Variants in CAMSAP1 observed in about 807,000 individuals in gnomAD.
The protein encoded by CAMSAP1 is calmodulin-regulated spectrin-associated protein 1.
A neutral mutation model predicts 143.5 loss-of-function variants in CAMSAP1; 58 were observed. The ratio of observed to expected loss-of-function variants is 0.40; its 90% CI spans 0.33 to 0.50. The LOEUF is 0.50. Among genes scored for constraint, CAMSAP1 ranks in the 20% least tolerant of loss-of-function variants. CAMSAP1 has a pLI of 0.45. For synonymous variants in CAMSAP1, 945 were observed against 859.3 expected, an observed-to-expected ratio of 1.10 and a Z score of -1.74; for missense variants, 1,969 against 2,115.7, an observed-to-expected ratio of 0.93 and a Z score of 1.36.
Position 135,824,527 on chromosome 9 carries a change from T to C in CAMSAP1, c.1315+262A>G, listed in dbSNP as rs1473256151. On this transcript the variant is annotated intron_variant, in intron 9 of 16. Transcript: ENST00000389532. This position sits in a 1 kb window ranked among gnomAD's most constrained non-coding sequence, Gnocchi z 4.1. ...TAAAAATACAAAAATTAACTGAGCA[T>C]GGTGGCATGCGCCTATAATCCCAGC... Among the ~76,000 whole-genome samples, 1 of 152,026 alleles carries C rather than the reference T, an allele frequency of 6.6e-6. No homozygotes were observed. The highest frequency in any genetic ancestry group is 1.5e-5 in the Non-Finnish European group (1 of 68,002).
At position 135,811,292 on chromosome 9, in the gene CAMSAP1, C is replaced by T. The variant is rs199531330; in HGVS notation, c.*17G>A. ...TTACGAGTCTGGGTCACCCTTTGGA[C>T]GCCAGCTGCACCGGGGTCATTTACG... On this transcript the variant is annotated 3_prime_UTR_variant, in exon 17 of 17. Transcript: ENST00000389532. The surrounding 1 kb of genome is among the most constrained non-coding windows in gnomAD (Gnocchi z 4.9). 2.8e-4 allele frequency: 451 copies of T among 1,607,262 alleles called. No individual in the cohort carries two copies. In the African/African-American group the frequency reaches 4.5e-3, roughly 16 times the overall value.
chr9:135,906,804 C>T (rs2131043978), intron 1 of CAMSAP1, among the ~76,000 whole-genome samples, 196 bp downstream of exon 1: 1 of 152,102 alleles, frequency 6.6e-6, no homozygotes, highest in East Asian at 1.9e-4. Flanking sequence ...CGCCCACTCG[C>T]CAGGTGACCG....
intron 16 of CAMSAP1, among the ~76,000 whole-genome samples, chr9:135,814,173 G>C (rs551157964): frequency 6.6e-6 from 1 of 152,180 alleles, no homozygotes; most frequent in Non-Finnish European, 1.5e-5. Flanking sequence ...CCAGTGCCAC[G>C]AGACCTGCCT....
At position 135,810,998 on chromosome 9, in the gene CAMSAP1, C is replaced by T; in HGVS notation, c.*311G>A. On this transcript the variant is annotated 3_prime_UTR_variant, in exon 17 of 17. Coordinates refer to ENST00000389532, the MANE Select transcript of CAMSAP1 (RefSeq NM_015447.4). Reference sequence around the variant, plus strand: ...AGTAAGGGAGCTCCGTGGCCCGGGACCTGGCTGTGAACACCCTCCGCTGGG... The same window carrying T: ...AGTAAGGGAGCTCCGTGGCCCGGGATCTGGCTGTGAACACCCTCCGCTGGG... 1 of 367,344 alleles carries T rather than the reference C, an allele frequency of 2.7e-6. No individual in the cohort carries two copies. 22.8% of individuals were successfully genotyped at this position (367,344 alleles called of 1,614,324 possible). A position where few individuals can be genotyped will look rare whatever the true frequency, so the allele number is the denominator to read the frequency against.
At chr9:135,817,805 T>C (rs1313486813) in intron 14 of CAMSAP1, 172 bp downstream of exon 14, 1 of 612,128 alleles carries the variant, frequency 1.6e-6, no homozygotes, top group Non-Finnish European at 2.9e-6. Flanking sequence ...GGGGAGCCCG[T>C]GTGAAGGGCA....
intron 7 of CAMSAP1, among the ~76,000 whole-genome samples, chr9:135,838,608 A>G (rs1213833216): frequency 1.4e-5 from 2 of 143,670 alleles, no homozygotes. Context: ...TACCCGTTCT[A>G]CAGACACACA....
chr9:135,880,394 T>C (rs1837903227), intron 3 of CAMSAP1, among the ~76,000 whole-genome samples: 1 of 151,916 alleles, frequency 6.6e-6, no homozygotes, highest in African/African-American at 2.4e-5. Context: ...CACCCAAATC[T>C]GAACTAGGGC....
intron 7 of CAMSAP1, among the ~76,000 whole-genome samples, chr9:135,837,432 C>A (rs1378349215): frequency 6.7e-6 from 1 of 149,702 alleles, no homozygotes; most frequent in Non-Finnish European, 1.5e-5. Context: ...CGCTTTCTAC[C>A]CCTTCTACAG....
intron 7 of CAMSAP1, 68 bp from the exon 8 acceptor site, chr9:135,827,652 A>G: frequency 7.3e-7 from 1 of 1,365,260 alleles, no homozygotes; most frequent in South Asian, 1.7e-5. Context: ...CCTAACCTGC[A>G]GCTTTTATAA....
At chr9:135,861,851 C>T (rs1037767767) in intron 5 of CAMSAP1, among the ~76,000 whole-genome samples, 4 of 152,188 alleles carry the variant, frequency 2.6e-5, no homozygotes, top group Admixed American at 6.5e-5. Flanking sequence ...CCTGTCCAGA[C>T]ACCCACTGTC....
At chr9:135,828,036 C>G (rs1223103768) in intron 7 of CAMSAP1, among the ~76,000 whole-genome samples, 1 of 152,268 alleles carries the variant, frequency 6.6e-6, no homozygotes, top group Non-Finnish European at 1.5e-5. Context: ...GAGGCAGGGT[C>G]AGAAGGGCGC....
At chr9:135,884,915 G>A (rs1394119684) in intron 1 of CAMSAP1, among the ~76,000 whole-genome samples, 3 of 152,226 alleles carry the variant, frequency 2.0e-5, no homozygotes, top group Admixed American at 6.5e-5. Flanking sequence ...CCCATGGGCC[G>A]TGGAGGGAAG....
At chr9:135,906,959 C>T (rs1209407681) in intron 1 of CAMSAP1, 41 bp downstream of exon 1, 2 of 1,010,426 alleles carry the variant, frequency 2.0e-6, no homozygotes, top group Middle Eastern at 4.7e-4. Context: ...GGCCCCGGCC[C>T]GCGCCCCTGG....
At chr9:135,891,049 G>C (rs1450900214) in intron 1 of CAMSAP1, among the ~76,000 whole-genome samples, 1 of 152,222 alleles carries the variant, frequency 6.6e-6, no homozygotes, top group Non-Finnish European at 1.5e-5. Context: ...GACTCCTCAG[G>C]TTCGTTTTCT....
chr9:135,875,934 T>C (rs905676212), intron 3 of CAMSAP1, among the ~76,000 whole-genome samples: 9 of 152,170 alleles, frequency 5.9e-5, no homozygotes, highest in African/African-American at 1.9e-4. Flanking sequence ...TACTGATAAA[T>C]TGGGCTACAA....
intron 5 of CAMSAP1, among the ~76,000 whole-genome samples, chr9:135,851,926 C>T (rs1724418007): frequency 6.6e-6 from 1 of 152,210 alleles, no homozygotes; most frequent in Admixed American, 6.5e-5. Context: ...TAGGCACGCC[C>T]TCCTGTGTCA....
chr9:135,906,720 C>A (rs950083012), intron 1 of CAMSAP1, among the ~76,000 whole-genome samples: 51 of 152,144 alleles, frequency 3.4e-4, no homozygotes, highest in Admixed American at 9.2e-4. Flanking sequence ...CCGCCGCCGC[C>A]GCCAACGGGA....
At chr9:135,849,325 G>C (rs926297488) in intron 7 of CAMSAP1, among the ~76,000 whole-genome samples, 7 of 152,196 alleles carry the variant, frequency 4.6e-5, no homozygotes, top group African/African-American at 1.7e-4. Context: ...CAGGAAACAC[G>C]GTTTCCACTG....
chr9:135,810,007 T>G lies in CAMSAP1; in HGVS notation c.*1302A>C, dbSNP rs574244407. The stretch of plus-strand genomic sequence containing the variant: ...GATTTTTTCTGCAGTTTGAGATAGA[T>G]TCAAGTAACACTCCCAAGAAAATAT... On this transcript the variant is annotated 3_prime_UTR_variant, in exon 17 of 17. Transcript: ENST00000389532. The G allele has an allele frequency of 6.6e-6, 1 of 152,642 alleles. No individual in the cohort carries two copies. The highest frequency in any genetic ancestry group is 1.5e-5 in the Non-Finnish European group (1 of 68,046). The allele number at this position is 152,642 out of a possible 1,614,324, so 9.5% of individuals were successfully genotyped here. A position where few individuals can be genotyped will look rare whatever the true frequency, so the allele number is the denominator to read the frequency against.
Sources: gnomAD v4.1 joint callset for allele counts (sites outside exome capture counted in the v4.1 genomes callset) on GRCh38, gnomAD v4.1.1 for gene constraint, Gnocchi (gnomAD v3.1) non-coding constraint, MANE v1.5 for transcripts, NCBI Gene and HGNC (gene_info 2026-07-23, HGNC 2026-07-21) for gene names.